LYPLAL1: variants seen among roughly 807,000 people sequenced by gnomAD.
LYPLAL1 encodes lysophospholipase like 1.
A neutral mutation model predicts 19.7 loss-of-function variants in LYPLAL1; 23 were observed. The ratio of observed to expected loss-of-function variants is 1.17; its 90% CI spans 0.84 to 1.65. The LOEUF is 1.65. Among genes scored for constraint, LYPLAL1 ranks in the 40% most tolerant of loss-of-function variants. The pLI is 0.00. For synonymous variants in LYPLAL1, 119 were observed against 96.3 expected (o/e 1.24, Z -1.38); for missense variants, 355 against 279.4 (o/e 1.27, Z -1.93).
the LYPLAL1 span, among the ~76,000 whole-genome samples, chr1:219,282,659 AAG>A: frequency 6.6e-6 from 1 of 152,194 alleles, no homozygotes; most frequent in Non-Finnish European, 1.5e-5. Flanking sequence ...TGAATCTTAG[AAG>A]ACAGTGGAAC....
chr1:219,207,433 A>G (rs534052436), intron 3 of LYPLAL1, among the ~76,000 whole-genome samples: 1 of 152,116 alleles, frequency 6.6e-6, no homozygotes, highest in East Asian at 1.9e-4. Context: ...GAGCACACTA[A>G]TCATTCATTC....
At chr1:219,195,891 G>A (rs1657560041) in intron 3 of LYPLAL1, among the ~76,000 whole-genome samples, 1 of 151,996 alleles carries the variant, frequency 6.6e-6, no homozygotes, top group Non-Finnish European at 1.5e-5. Context: ...GCCTCTCTGT[G>A]TCCATGTGTT....
chr1:219,443,536 T>A, the LYPLAL1 span, among the ~76,000 whole-genome samples: 4 of 152,186 alleles, frequency 2.6e-5, no homozygotes, highest in Non-Finnish European at 5.9e-5. Context: ...TGCCCAGAAG[T>A]ACAGTAAGTC....
chr1:219,228,126 C>A, the LYPLAL1 span, among the ~76,000 whole-genome samples: 3 of 152,206 alleles, frequency 2.0e-5, no homozygotes, highest in African/African-American at 7.2e-5. Flanking sequence ...GAAACCATCT[C>A]TTTTCCTGGC....
chr1:219,210,786 A>G, intron 4 of LYPLAL1, 139 bp downstream of exon 4: 1 of 705,672 alleles, frequency 1.4e-6, no homozygotes, highest in Non-Finnish European at 2.2e-6. Flanking sequence ...CCTGGAATTC[A>G]TGGCCAAATG....
the LYPLAL1 span, among the ~76,000 whole-genome samples, chr1:219,235,878 C>A: frequency 4.6e-5 from 7 of 152,084 alleles, no homozygotes; most frequent in Non-Finnish European, 8.8e-5. Context: ...AGGAGAGGAC[C>A]AAAGACATGG....
the LYPLAL1 span, among the ~76,000 whole-genome samples, chr1:219,288,058 C>T: frequency 3.6e-4 from 55 of 152,292 alleles, no homozygotes; most frequent in Non-Finnish European, 7.5e-4. Context: ...TCAGGTAGTT[C>T]TTTATAGCAG....
At chr1:219,347,256 A>T in the LYPLAL1 span, among the ~76,000 whole-genome samples, 1 of 151,918 alleles carries the variant, frequency 6.6e-6, no homozygotes, top group South Asian at 2.1e-4. Context: ...CTTTTTGGCC[A>T]TTCTTTTTCT....
the LYPLAL1 span, among the ~76,000 whole-genome samples, chr1:219,238,260 C>T: frequency 1.3e-5 from 2 of 149,558 alleles, no homozygotes; most frequent in Non-Finnish European, 3.0e-5. Flanking sequence ...GCCTCAGCCT[C>T]CCGAGTAGCT....
the LYPLAL1 span, among the ~76,000 whole-genome samples, chr1:219,234,044 G>T: frequency 6.6e-6 from 1 of 152,050 alleles, no homozygotes; most frequent in Non-Finnish European, 1.5e-5. Context: ...TTACATTAGG[G>T]TTTGAACCTT....
At chr1:219,231,372 A>G in the LYPLAL1 span, among the ~76,000 whole-genome samples, 28 of 152,332 alleles carry the variant, frequency 1.8e-4, no homozygotes, top group South Asian at 5.2e-3. Flanking sequence ...GTCAAAGCCC[A>G]TGGTATGTTC....
At chr1:219,443,187 T>C in the LYPLAL1 span, among the ~76,000 whole-genome samples, 1 of 152,162 alleles carries the variant, frequency 6.6e-6, no homozygotes, top group African/African-American at 2.4e-5. Flanking sequence ...GTGGATGAGG[T>C]ATTTTGCAGG....
chr1:219,433,946 TG>T, the LYPLAL1 span, among the ~76,000 whole-genome samples: 1 of 152,340 alleles, frequency 6.6e-6, no homozygotes, highest in Non-Finnish European at 1.5e-5. Flanking sequence ...TATTCACACC[TG>T]GGCTCCTGAA....
chr1:219,405,517 A>ATATATC, the LYPLAL1 span, among the ~76,000 whole-genome samples: 1 of 152,240 alleles, frequency 6.6e-6, no homozygotes, highest in African/African-American at 2.4e-5. Flanking sequence ...ACACACACGT[A>ATATATC]TATATCTACC....
chr1:219,212,902 A>G (rs1425397511), downstream of LYPLAL1: 4 of 152,052 alleles, frequency 2.6e-5, no homozygotes, highest in Non-Finnish European at 5.9e-5. Context: ...TCTTTGGTAA[A>G]TAAGTAGGAG....
chr1:219,192,706 T>A (rs1657280548), intron 2 of LYPLAL1, among the ~76,000 whole-genome samples: 1 of 151,680 alleles, frequency 6.6e-6, no homozygotes, highest in African/African-American at 2.4e-5. Flanking sequence ...CATTACAGTT[T>A]GGAATATCTT....
the LYPLAL1 span, among the ~76,000 whole-genome samples, chr1:219,241,132 C>CTATATATATATATATATATA: frequency 8.7e-5 from 5 of 57,508 alleles, no homozygotes; most frequent in Admixed American, 2.1e-4. Context: ...CTCTCTCTCT[C>CTATATATATATATATATATA]TCTATATATA....
the LYPLAL1 span, among the ~76,000 whole-genome samples, chr1:219,344,784 G>A: frequency 6.6e-6 from 1 of 152,122 alleles, no homozygotes; most frequent in African/African-American, 2.4e-5. Context: ...GTTCCAAGGA[G>A]TCCATTAAAA....
chr1:219,240,959 G>A, the LYPLAL1 span, among the ~76,000 whole-genome samples: 1 of 151,524 alleles, frequency 6.6e-6, no homozygotes, highest in South Asian at 2.1e-4. Flanking sequence ...ATTCAGGGAC[G>A]CTTAGGCAGG....
Sources: allele counts gnomAD v4.1 joint callset (sites outside exome capture counted in the v4.1 genomes callset), GRCh38; gene constraint gnomAD v4.1.1; transcripts MANE v1.5; gene names NCBI Gene and HGNC (gene_info 2026-07-23, HGNC 2026-07-21).